The following BCAS3 variants were observed in gnomAD, a reference collection of about 807,000 sequenced individuals.
BCAS3 encodes the protein BCAS3 microtubule associated cell migration factor.
BCAS3 carries 53 observed loss-of-function variants against 116.1 expected under a neutral mutation model. The ratio of observed to expected loss-of-function variants is 0.46; its 90% CI spans 0.37 to 0.57. BCAS3 has a LOEUF of 0.57. Ranked by LOEUF, BCAS3 falls within the 20% of genes least tolerant of loss-of-function variation. The pLI, the probability that BCAS3 is intolerant of heterozygous loss-of-function variation, is 0.00. For synonymous variants in BCAS3, 391 were observed against 408.2 expected (o/e 0.96, Z 0.51); for missense variants, 917 against 1,165.4 (o/e 0.79, Z 3.10).
In BCAS3 at chr17:61,088,612, T is replaced by C. The variant is rs1208658704; in HGVS notation, c.2425+4048T>C. The stretch of plus-strand genomic sequence containing the variant: ...ACTTTGTTTTCCAGATTGCTGACTA[T>C]TCTTGTTCCAAAACTTGAAGGCTAT... On this transcript the variant is annotated intron_variant, in intron 22 of 23. Coordinates refer to ENST00000407086, the MANE Select transcript of BCAS3 (RefSeq NM_017679.5). The surrounding 1 kb of genome is among the most constrained non-coding windows in gnomAD (Gnocchi z 4.2). Among the ~76,000 whole-genome samples, 4 of 152,234 alleles carry C rather than the reference T, an allele frequency of 2.6e-5. No individual in the cohort carries two copies. Among genetic ancestry groups the C allele is most frequent in the Admixed American group, 2.0e-4 (3 of 15,282 alleles).
intron 12 of BCAS3, among the ~76,000 whole-genome samples, chr17:60,912,636 A>G (rs1393101181): frequency 1.3e-5 from 2 of 152,108 alleles, no homozygotes; most frequent in Non-Finnish European, 2.9e-5. Context: ...AAGACTTTTC[A>G]GTTGACTTTA....
chr17:61,223,602 C>T (rs2082230378), intron 22 of BCAS3, among the ~76,000 whole-genome samples: 2 of 152,170 alleles, frequency 1.3e-5, no homozygotes, highest in Non-Finnish European at 2.9e-5. Flanking sequence ...CAGGCACTTT[C>T]CTATTTAATA....
intron 7 of BCAS3, among the ~76,000 whole-genome samples, chr17:60,813,316 G>A (rs1246613682): frequency 6.6e-6 from 1 of 151,856 alleles, no homozygotes; most frequent in African/African-American, 2.4e-5. Context: ...AAAAAAAGGA[G>A]GTTATGTTAG....
At chr17:60,931,944 A>C (rs2059667998) in intron 13 of BCAS3, among the ~76,000 whole-genome samples, 1 of 151,864 alleles carries the variant, frequency 6.6e-6, no homozygotes. Context: ...GTAGTGGTGC[A>C]CTCCTGTAGG....
At chr17:61,085,694 A>G (rs1295093604) in intron 22 of BCAS3, among the ~76,000 whole-genome samples, 2 of 152,140 alleles carry the variant, frequency 1.3e-5, no homozygotes, top group East Asian at 1.9e-4. Context: ...CTTGGCAACC[A>G]TGGTTGTCCC....
chr17:61,241,296 C>T lies in BCAS3; in HGVS notation c.2426-127031C>T, dbSNP rs920981441. ...GAGTGAGCCTGTTTACCACCAAGTA[C>T]CCACGTCTTCCTTTGGCTCTGTTGT... On this transcript the variant is annotated intron_variant, in intron 22 of 23. Coordinates refer to ENST00000407086, the MANE Select transcript of BCAS3 (RefSeq NM_017679.5). This position sits in a 1 kb window ranked among gnomAD's most constrained non-coding sequence, Gnocchi z 4.6. Among the ~76,000 whole-genome samples the T allele has an allele frequency of 6.6e-6, 1 of 152,060 alleles. No homozygotes were observed. The highest frequency in any genetic ancestry group is 1.5e-5 in the Non-Finnish European group (1 of 68,030).
intron 10 of BCAS3, among the ~76,000 whole-genome samples, chr17:60,896,249 C>T (rs2057502897): frequency 6.6e-6 from 1 of 152,190 alleles, no homozygotes; most frequent in Non-Finnish European, 1.5e-5. Flanking sequence ...CATTTGGACC[C>T]AGGAGGTGGA....
chr17:60,905,792 G>C (rs960143080), intron 11 of BCAS3, among the ~76,000 whole-genome samples: 1 of 152,186 alleles, frequency 6.6e-6, no homozygotes. Context: ...GGATTGGGGC[G>C]AGATGTGATT....
intron 22 of BCAS3, chr17:61,157,384 T>C (rs573867270): frequency 1.6e-4 from 24 of 152,330 alleles, no homozygotes; most frequent in Non-Finnish European, 3.2e-4. Flanking sequence ...CTTTCTGGGC[T>C]CTACATCAAA....
intron 4 of BCAS3, among the ~76,000 whole-genome samples, chr17:60,694,975 G>A (rs2035388746): frequency 1.3e-5 from 2 of 151,902 alleles, no homozygotes; most frequent in Non-Finnish European, 2.9e-5. Flanking sequence ...GACCTCACAT[G>A]GGTAGAATGA....
intron 4 of BCAS3, among the ~76,000 whole-genome samples, chr17:60,698,455 G>T (rs992424037): frequency 6.6e-6 from 1 of 151,922 alleles, no homozygotes; most frequent in Non-Finnish European, 1.5e-5. Flanking sequence ...ACCAGTCTGG[G>T]CAACACAGTG....
Position 60,947,270 on chromosome 17 carries a change from A to G in BCAS3, c.1139A>G (p.Gln380Arg). ...CTTGGCCATGACTTTCATGTCTTCC[A>G]AATTCTGACTCATCCTTGGTCCTCA... ...DTLGHDFHVF[Q>R]ILTHPWSSSQ... The change falls in exon 14 of 24, where the codon CAA becomes CGA. Residue 380 changes from glutamine to arginine, a missense_variant. Around this residue, in one of 3 missense-constraint regions of BCAS3, gnomAD observed 807 missense variants for 1,026.0 expected, o/e 0.79. Coordinates refer to ENST00000407086, the MANE Select transcript of BCAS3 (RefSeq NM_017679.5). 6.2e-7 allele frequency: 1 copy of G among 1,612,880 alleles called. No homozygotes were observed. Among genetic ancestry groups the G allele is most frequent in the Non-Finnish European group, 8.5e-7 (1 of 1,178,926 alleles).
At chr17:61,060,607 C>G (rs2069912037) in intron 19 of BCAS3, among the ~76,000 whole-genome samples, 1 of 152,184 alleles carries the variant, frequency 6.6e-6, no homozygotes, top group African/African-American at 2.4e-5. Flanking sequence ...CTCTGTCAGT[C>G]TGCAGGTCAA....
chr17:61,002,396 A>G (rs2064307249), intron 15 of BCAS3, among the ~76,000 whole-genome samples: 1 of 152,072 alleles, frequency 6.6e-6, no homozygotes, highest in Non-Finnish European at 1.5e-5. Flanking sequence ...TTACATGGGC[A>G]AATCATAAAC....
intron 13 of BCAS3, among the ~76,000 whole-genome samples, chr17:60,926,583 T>C (rs1009409146): frequency 1.1e-4 from 16 of 152,270 alleles, no homozygotes; most frequent in Admixed American, 5.2e-4. Flanking sequence ...CTGTGAGTGT[T>C]GTGGGAATTA....
chr17:60,970,602 C>G (rs1332580963), intron 14 of BCAS3, among the ~76,000 whole-genome samples: 2 of 152,104 alleles, frequency 1.3e-5, no homozygotes, highest in African/African-American at 4.8e-5. Context: ...ATATTTTGTA[C>G]TGTTCAAAAG....
chr17:61,322,781 T>TGAGAGAGAGAGAGAGAGAGAGAGAGA (rs1568849812), intron 22 of BCAS3, among the ~76,000 whole-genome samples: 1 of 121,210 alleles, frequency 8.3e-6, no homozygotes, highest in African/African-American at 3.5e-5. Context: ...AAGCCTCTCT[T>TGAGAGAGAGAGAGAGAGAGAGAGAGA]GAGAGAGAGA....
In BCAS3 at chr17:61,390,935, G is replaced by C. The variant is rs565008410; in HGVS notation, c.2594-1042G>C. ...GAAAGGTTGCAGGTCTACATATCTTGGCTTGGGGCAGGCTCCAGAGACTGC... is the reference window on the plus strand; with the variant it reads ...GAAAGGTTGCAGGTCTACATATCTTCGCTTGGGGCAGGCTCCAGAGACTGC... On this transcript the variant is annotated intron_variant, in intron 23 of 23. Coordinates refer to ENST00000407086, the MANE Select transcript of BCAS3 (RefSeq NM_017679.5). This position sits in a 1 kb window ranked among gnomAD's most constrained non-coding sequence, Gnocchi z 6.8. 3 of 152,398 alleles carry C rather than the reference G, an allele frequency of 2.0e-5. No individual in the cohort carries two copies. The South Asian group carries it at 6.2e-4, about 32-fold the overall frequency. The allele number at this position is 152,398 out of a possible 1,614,324, so 9.4% of individuals were successfully genotyped here. A position where few individuals can be genotyped will look rare whatever the true frequency, so the allele number is the denominator to read the frequency against.
chr17:60,753,647 G>T (rs1384796489), intron 6 of BCAS3, among the ~76,000 whole-genome samples: 1 of 152,030 alleles, frequency 6.6e-6, no homozygotes, highest in African/African-American at 2.4e-5. Flanking sequence ...CTGACCTCGT[G>T]ATCTGCCTGC....
Sources: allele counts gnomAD v4.1 joint callset (sites outside exome capture counted in the v4.1 genomes callset), GRCh38; gene constraint gnomAD v4.1.1; regional missense constraint gnomAD v4.1.1; non-coding constraint Gnocchi (gnomAD v3.1); transcripts MANE v1.5; gene names NCBI Gene and HGNC (gene_info 2026-07-23, HGNC 2026-07-21).